The following INPP5D variants were observed in gnomAD, a reference collection of about 807,000 sequenced individuals.
The protein encoded by INPP5D is phosphatidylinositol 3,4,5-trisphosphate 5-phosphatase 1.
INPP5D carries 33 observed loss-of-function variants against 122.9 expected under a neutral mutation model. That is an observed-to-expected ratio of 0.27 (90% CI 0.20 to 0.36). INPP5D has a LOEUF of 0.36. Ranked by LOEUF, INPP5D falls within the 10% of genes least tolerant of loss-of-function variation. The pLI, the probability that INPP5D is intolerant of heterozygous loss-of-function variation, is 1.00. For missense variants in INPP5D, 1,053 were observed against 1,412.7 expected (o/e 0.75, Z 4.08); for synonymous variants, 584 against 576.2 (o/e 1.01, Z -0.19).
intron 5 of INPP5D, among the ~76,000 whole-genome samples, chr2:233,137,800 C>T (rs192878326): frequency 7.7e-4 from 93 of 120,144 alleles, no homozygotes; most frequent in East Asian, 6.4e-3. Flanking sequence ...CCCTTGCACT[C>T]CAGCCTGGGC....
intron 4 of INPP5D, among the ~76,000 whole-genome samples, chr2:233,127,339 C>A (rs998684669): frequency 3.3e-5 from 5 of 152,180 alleles, no homozygotes; most frequent in African/African-American, 1.2e-4. Context: ...AGGAAAGCGG[C>A]GACACAGAGC....
chr2:233,113,486 G>A (rs980682959), intron 2 of INPP5D, among the ~76,000 whole-genome samples: 2 of 151,570 alleles, frequency 1.3e-5, no homozygotes, highest in African/African-American at 2.4e-5. Flanking sequence ...TTCAATTATT[G>A]TTCTTTTTAA....
rs1276063910 is a variant in INPP5D at position 233,085,089 on chromosome 2, G to A, written c.198+5691G>A. 2.0e-5 allele frequency among the ~76,000 whole-genome samples: 3 copies of A among 152,170 alleles called. No individual in the cohort carries two copies. The East Asian group carries it at 5.8e-4, about 29-fold the overall frequency. ...GTAAAAGGTACAGCACTACCTTCAA[G>A]AATGTAGTGTTACAGGCTGGGTGCA... is the stretch of plus-strand genomic sequence containing the variant. On this transcript the variant is annotated intron_variant, in intron 2 of 26. Transcript: ENST00000445964.
chr2:233,083,824 A>G (rs985828216), intron 2 of INPP5D, among the ~76,000 whole-genome samples: 1 of 152,222 alleles, frequency 6.6e-6, no homozygotes. Context: ...ACCTAGGGCC[A>G]CAGTTGAAGC....
At chr2:233,178,776 G>A (rs925823498) in intron 18 of INPP5D, among the ~76,000 whole-genome samples, 2 of 152,154 alleles carry the variant, frequency 1.3e-5, no homozygotes, top group East Asian at 1.9e-4. Flanking sequence ...GAGTCACTGC[G>A]CCAGGCCCAG....
At chr2:233,097,145 A>G (rs899692907) in intron 2 of INPP5D, among the ~76,000 whole-genome samples, 6 of 152,188 alleles carry the variant, frequency 3.9e-5, no homozygotes, top group Non-Finnish European at 7.3e-5. Context: ...ATCATGTGCT[A>G]ATTTCCCCCA....
chr2:233,122,021 G>C lies in INPP5D; in HGVS notation c.199-86G>C, dbSNP rs1167946021. On this transcript the variant is annotated intron_variant, in intron 2 of 26. Coordinates refer to ENST00000445964, the MANE Select transcript of INPP5D (RefSeq NM_001017915.3). Reference sequence around the variant, plus strand: ...GGATCGCAGTCACTCCCTCCGCCTCGCTGGTCTCTGCTGCAGTTGGCCTTT... The same window carrying C: ...GGATCGCAGTCACTCCCTCCGCCTCCCTGGTCTCTGCTGCAGTTGGCCTTT... The C allele has an allele frequency of 6.7e-6, 10 of 1,493,838 alleles. No homozygotes were observed. The Admixed American group carries it at 7.0e-5, about 10-fold the overall frequency. 92.5% of individuals were successfully genotyped at this position (1,493,838 alleles called of 1,614,324 possible).
rs1694979774 is a variant in INPP5D, at chr2:233,188,721, C to A, written c.2359-1129C>A. On this transcript the variant is annotated intron_variant, in intron 21 of 26. Coordinates refer to ENST00000445964, the MANE Select transcript of INPP5D (RefSeq NM_001017915.3). The surrounding 1 kb of genome is among the most constrained non-coding windows in gnomAD (Gnocchi z 4.7). ...GGACGACAGGCACGCCCCATCAAGCCTCGCTAATTTCTGTATTTTTTAGTA... is the reference window on the plus strand; with the variant it reads ...GGACGACAGGCACGCCCCATCAAGCATCGCTAATTTCTGTATTTTTTAGTA... Among the ~76,000 whole-genome samples, 1 of 152,202 alleles carries A rather than the reference C, an allele frequency of 6.6e-6. No individual in the cohort carries two copies. The highest frequency in any genetic ancestry group is 2.4e-5 in the African/African-American group (1 of 41,442).
intron 16 of INPP5D, 50 bp from the exon 17 acceptor site, chr2:233,171,014 G>C (rs1281450378): frequency 1.9e-6 from 3 of 1,599,212 alleles, no homozygotes; most frequent in Non-Finnish European, 2.6e-6. Flanking sequence ...AAATTGGCCA[G>C]ATGCAAAACC....
In INPP5D at chr2:233,164,026, C is replaced by T; in HGVS notation, c.1437+123C>T. 1 of 1,448,076 alleles carries T rather than the reference C, an allele frequency of 6.9e-7. No individual in the cohort carries two copies. Among genetic ancestry groups the T allele is most frequent in the Middle Eastern group, 2.5e-4 (1 of 3,944 alleles). The allele number at this position is 1,448,076 out of a possible 1,614,324, so 89.7% of individuals were successfully genotyped here. A position where few individuals can be genotyped will look rare whatever the true frequency, so the allele number is the denominator to read the frequency against. On this transcript the variant is annotated intron_variant, in intron 12 of 26. Coordinates refer to ENST00000445964, the MANE Select transcript of INPP5D (RefSeq NM_001017915.3). This position sits in a 1 kb window ranked among gnomAD's most constrained non-coding sequence, Gnocchi z 4.3. ...CAGTTTTCAAGGATGTCTGGAGGCC[C>T]CCACTGAGAGATGCGTCTGTATTCA...
chr2:233,200,546 T>C (rs996018653), intron 25 of INPP5D, among the ~76,000 whole-genome samples: 19 of 152,206 alleles, frequency 1.2e-4, no homozygotes, highest in African/African-American at 4.6e-4. Flanking sequence ...GTGTTCTCCA[T>C]CACACTGTCC....
Position 233,078,549 on chromosome 2 carries a change from G to A in INPP5D, c.135-786G>A, listed in dbSNP as rs962002544. 2.6e-5 allele frequency among the ~76,000 whole-genome samples: 4 copies of A among 152,204 alleles called. No homozygotes were observed. Among genetic ancestry groups the A allele is most frequent in the Non-Finnish European group, 4.4e-5 (3 of 68,042 alleles). On this transcript the variant is annotated intron_variant, in intron 1 of 26. Coordinates refer to ENST00000445964, the MANE Select transcript of INPP5D (RefSeq NM_001017915.3). This position sits in a 1 kb window ranked among gnomAD's most constrained non-coding sequence, Gnocchi z 4.6. ...GGGAGCTCAGCGGGAACGAGGTGCTGAGTGATCCCTGCCCCTGACAGGTGG... is the reference window on the plus strand; with the variant it reads ...GGGAGCTCAGCGGGAACGAGGTGCTAAGTGATCCCTGCCCCTGACAGGTGG...
intron 1 of INPP5D, among the ~76,000 whole-genome samples, chr2:233,071,971 A>G (rs1691393819): frequency 6.6e-6 from 1 of 152,164 alleles, no homozygotes; most frequent in Non-Finnish European, 1.5e-5. Flanking sequence ...TTTGTGGTGT[A>G]CTTTCCAAAT....
chr2:233,103,596 C>T (rs1692377472), intron 2 of INPP5D, among the ~76,000 whole-genome samples: 1 of 152,116 alleles, frequency 6.6e-6, no homozygotes, highest in African/African-American at 2.4e-5. Context: ...GGTTCAAGTC[C>T]TGCCTCTGCC....
chr2:233,102,474 C>T (rs1421529946), intron 2 of INPP5D, among the ~76,000 whole-genome samples: 1 of 152,194 alleles, frequency 6.6e-6, no homozygotes, highest in Admixed American at 6.5e-5. Context: ...AACTGAGGCA[C>T]AGAATGTTTT....
At chr2:233,075,036 GGGTTGACCT>G (rs139828431) in intron 1 of INPP5D, among the ~76,000 whole-genome samples, 2,333 of 152,238 alleles carry the variant, frequency 0.015, 58 homozygotes, top group African/African-American at 0.053. Context: ...TACTACATCA[GGGTTGACCT>G]GGTCCAGAAA....
At chr2:233,060,638 G>C in intron 1 of INPP5D, 26 bp downstream of exon 1, 1 of 1,612,816 alleles carries the variant, frequency 6.2e-7, no homozygotes, top group Non-Finnish European at 8.5e-7. Flanking sequence ...TCCCTCCCCG[G>C]GCACAGATAT....
chr2:233,113,906 C>CTTTTTTT (rs778997649), intron 2 of INPP5D, among the ~76,000 whole-genome samples: 2 of 127,764 alleles, frequency 1.6e-5, no homozygotes, highest in Middle Eastern at 3.8e-3. Flanking sequence ...CCAAACCACT[C>CTTTTTTT]TTTTTTTTTT....
intron 2 of INPP5D, among the ~76,000 whole-genome samples, chr2:233,108,575 C>T (rs899601370): frequency 2.0e-5 from 3 of 152,158 alleles, no homozygotes; most frequent in Non-Finnish European, 4.4e-5. Context: ...TTTCTCTCCC[C>T]CCAAGTGCAG....
Sources: gnomAD v4.1 joint callset for allele counts (sites outside exome capture counted in the v4.1 genomes callset) on GRCh38, gnomAD v4.1.1 for gene constraint, Gnocchi (gnomAD v3.1) non-coding constraint, MANE v1.5 for transcripts, NCBI Gene and HGNC (gene_info 2026-07-23, HGNC 2026-07-21) for gene names.